The following MED15 variants were observed in gnomAD, a reference collection of about 807,000 sequenced individuals.
MED15 encodes mediator of RNA polymerase II transcription subunit 15.
A neutral mutation model predicts 118.7 loss-of-function variants in MED15; 41 were observed. The ratio of observed to expected loss-of-function variants is 0.35; its 90% CI spans 0.27 to 0.45. The LOEUF is 0.45. MED15 is among the 20% of genes least tolerant of loss of function. The probability of loss-of-function intolerance (pLI) is 1.00; values close to 1 mark genes in which losing one functional copy is unlikely to be tolerated. For synonymous variants in MED15, 436 were observed against 413.9 expected, an observed-to-expected ratio of 1.05 and a Z score of -0.65; for missense variants, 740 against 1,025.5, an observed-to-expected ratio of 0.72 and a Z score of 3.80.
intron 1 of MED15, among the ~76,000 whole-genome samples, chr22:20,532,493 A>G (rs1485017878): frequency 6.6e-6 from 1 of 152,176 alleles, no homozygotes; most frequent in African/African-American, 2.4e-5. Context: ...AGTCTAAGCT[A>G]GATACCAGTT....
chr22:20,517,687 C>T (rs888163972), intron 1 of MED15, among the ~76,000 whole-genome samples: 1 of 152,144 alleles, frequency 6.6e-6, no homozygotes, highest in Non-Finnish European at 1.5e-5. Context: ...AGGGGGATTC[C>T]TAGATCTGTC....
At chr22:20,585,470 T>A (rs755594607) in intron 16 of MED15, 2 of 752,590 alleles carry the variant, frequency 2.7e-6, no homozygotes, top group Non-Finnish European at 4.2e-6. Flanking sequence ...GCCCGCACAC[T>A]CTCACCTCCC....
intron 2 of MED15, among the ~76,000 whole-genome samples, chr22:20,546,048 C>A (rs967801332): frequency 6.6e-6 from 1 of 152,172 alleles, no homozygotes; most frequent in Non-Finnish European, 1.5e-5. Flanking sequence ...CATGGAGTCA[C>A]TATTGTCATC....
chr22:20,562,175 CAAAA>C (rs532550350), intron 5 of MED15, among the ~76,000 whole-genome samples: 4 of 150,912 alleles, frequency 2.7e-5, no homozygotes, highest in Admixed American at 1.3e-4. Flanking sequence ...AAGAAACAAA[CAAAA>C]AAAAGGATGA....
At chr22:20,528,932 T>A (rs2054753663) in intron 1 of MED15, among the ~76,000 whole-genome samples, 1 of 151,910 alleles carries the variant, frequency 6.6e-6, no homozygotes, top group African/African-American at 2.4e-5. Flanking sequence ...AGTTGGGGAG[T>A]GAGGGATGCA....
At chr22:20,518,129 C>T (rs1371024902) in intron 1 of MED15, among the ~76,000 whole-genome samples, 2 of 94,708 alleles carry the variant, frequency 2.1e-5, no homozygotes, top group Non-Finnish European at 4.3e-5. Flanking sequence ...TGTTACCAAG[C>T]AGGATGCGTG....
At chr22:20,544,654 A>C (rs1238923457) in intron 2 of MED15, among the ~76,000 whole-genome samples, 4 of 152,204 alleles carry the variant, frequency 2.6e-5, no homozygotes, top group Non-Finnish European at 5.9e-5. Context: ...TGACAGAGTG[A>C]GACTCTGTCT....
At chr22:20,586,453 C>T (rs941190282) in intron 17 of MED15, 115 bp from the exon 18 acceptor site, 6 of 1,483,670 alleles carry the variant, frequency 4.0e-6, no homozygotes, top group South Asian at 2.5e-5. Flanking sequence ...GGACACATCA[C>T]CTCCTGGTGC....
chr22:20,514,849 G>T (rs13053946), intron 1 of MED15, among the ~76,000 whole-genome samples: 26,580 of 152,202 alleles, frequency 0.17, 3,134 homozygotes, highest in Middle Eastern at 0.27. Context: ...CAGCCTTGGC[G>T]GAGCTTTTTC....
At chr22:20,557,829 G>T (rs2056078109) in intron 5 of MED15, among the ~76,000 whole-genome samples, 1 of 152,204 alleles carries the variant, frequency 6.6e-6, no homozygotes, top group Non-Finnish European at 1.5e-5. Flanking sequence ...AGTGGGGGCT[G>T]GGCACGGTGG....
intron 4 of MED15, 67 bp from the exon 5 acceptor site, chr22:20,554,869 C>G: frequency 1.4e-6 from 2 of 1,453,342 alleles, no homozygotes; most frequent in Middle Eastern, 2.5e-4. Context: ...GTGAGCCTTA[C>G]GCCCTTTGAG....
At chr22:20,542,041 A>G (rs758447310) in intron 2 of MED15, among the ~76,000 whole-genome samples, 7 of 152,054 alleles carry the variant, frequency 4.6e-5, no homozygotes, top group Non-Finnish European at 5.9e-5. Context: ...TGGTCTACCC[A>G]TCTTGGCCTC....
Position 20,585,750 on chromosome 22 carries a change from G to T in MED15, c.2154G>T (p.Val718=), listed in dbSNP as rs759572287. 1 of 1,613,284 alleles carries T rather than the reference G, an allele frequency of 6.2e-7. No homozygotes were observed. The change falls in exon 17 of 18, where the codon GTG becomes GTT. Residue 718 remains valine, a synonymous_variant. Coordinates refer to ENST00000263205, the MANE Select transcript of MED15 (RefSeq NM_001003891.3). ...CAGATGACAAGGACCTCCCAAGTGT[G>T]CCACCACTGGAGCTCAGTGTGCCCG... is the stretch of plus-strand genomic sequence containing the variant. The part of the protein sequence containing the change: ...CKLDDKDLPS[V]PPLELSVPAD...
At chr22:20,571,424 G>A (rs2056658068) in intron 8 of MED15, among the ~76,000 whole-genome samples, 1 of 152,252 alleles carries the variant, frequency 6.6e-6, no homozygotes, top group Non-Finnish European at 1.5e-5. Context: ...CTGCCCTGTG[G>A]CACCATGTGC....
chr22:20,553,217 G>A (rs1384243013), intron 4 of MED15, 43 bp downstream of exon 4: 1 of 1,586,566 alleles, frequency 6.3e-7, no homozygotes, highest in Admixed American at 1.7e-5. Context: ...CCCAACTTTG[G>A]ATTTGAGGTG....
rs796785790 is a variant in MED15, at chr22:20,545,492, A to G, written c.157-5944A>G. Among the ~76,000 whole-genome samples, 4 of 151,360 alleles carry G rather than the reference A, an allele frequency of 2.6e-5. 1 individual carries two copies. Among genetic ancestry groups the G allele is most frequent in the African/African-American group, 9.7e-5 (4 of 41,392 alleles). On this transcript the variant is annotated intron_variant, in intron 2 of 17. Transcript: ENST00000263205. ...CCACCTCAAAAAAAAAAAAAAAAAA[A>G]AGAAACAAAATGCTTTAAAATTGAT...
chr22:20,507,840 C>A, intron 1 of MED15, 94 bp downstream of exon 1: 1 of 1,559,472 alleles, frequency 6.4e-7, no homozygotes, highest in South Asian at 1.1e-5. Context: ...AAACCTACGG[C>A]GCCGGGAGAC....
At chr22:20,536,137 A>C (rs2055072953) in intron 1 of MED15, among the ~76,000 whole-genome samples, 1 of 151,990 alleles carries the variant, frequency 6.6e-6, no homozygotes, top group Admixed American at 6.6e-5. Context: ...CGGCCTCCCA[A>C]AGTGTTGGGA....
At chr22:20,526,740 AAGGAGGTGGGC>A in intron 1 of MED15, among the ~76,000 whole-genome samples, 1 of 152,178 alleles carries the variant, frequency 6.6e-6, no homozygotes, top group South Asian at 2.1e-4. Flanking sequence ...CGGCCTCCCA[AAGGAGGTGGGC>A]GGTGACCCTC....
Sources: allele counts gnomAD v4.1 joint callset (sites outside exome capture counted in the v4.1 genomes callset), GRCh38; gene constraint gnomAD v4.1.1; transcripts MANE v1.5; gene names NCBI Gene and HGNC (gene_info 2026-07-23, HGNC 2026-07-21).